TBC1D1: variants seen among roughly 807,000 people sequenced by gnomAD.
The protein encoded by TBC1D1 is TBC1 (tre-2/USP6, BUB2, cdc16) domain family, member 1.
A neutral mutation model predicts 125.6 loss-of-function variants in TBC1D1; 89 were observed. The ratio of observed to expected loss-of-function variants is 0.71; its 90% CI spans 0.60 to 0.85. TBC1D1 has a LOEUF of 0.85. Among genes scored for constraint, TBC1D1 ranks in the 40% least tolerant of loss-of-function variants. The pLI is 0.00. For missense variants in TBC1D1, 1,377 were observed against 1,469.2 expected (o/e 0.94, Z 1.03); for synonymous variants, 565 against 564.1 (o/e 1.00, Z -0.02).
intron 2 of TBC1D1, among the ~76,000 whole-genome samples, chr4:38,013,151 A>G (rs944361490): frequency 3.9e-5 from 6 of 152,188 alleles, no homozygotes; most frequent in African/African-American, 1.4e-4. Flanking sequence ...TTAAAATGTA[A>G]AACTTTCCTA....
At chr4:37,985,277 AATCTT>A (rs1359942102) in intron 2 of TBC1D1, among the ~76,000 whole-genome samples, 1 of 152,160 alleles carries the variant, frequency 6.6e-6, no homozygotes, top group Non-Finnish European at 1.5e-5. Flanking sequence ...TTATGAATCT[AATCTT>A]AAGTATCTGG....
At chr4:38,077,798 G>A (rs929288014) in intron 12 of TBC1D1, among the ~76,000 whole-genome samples, 2 of 152,102 alleles carry the variant, frequency 1.3e-5, no homozygotes, top group Non-Finnish European at 2.9e-5. Context: ...TTTATGTCAA[G>A]TGCTGGCATT....
rs35795968 is a variant in TBC1D1 at position 37,923,678 on chromosome 4, A to AT, written c.417+21185dup. The stretch of plus-strand genomic sequence containing the variant: ...TATTCTCCTGCTGCACCCCCACCCC[A>AT]TTTTTTTTTTTTTTTTTTTGAGACA... On this transcript the variant is annotated intron_variant, in intron 2 of 19. Transcript: ENST00000261439. Among the ~76,000 whole-genome samples the AT allele has an allele frequency of 9.9e-3, 1,153 of 116,136 alleles. 19 individuals carry two copies. The highest frequency in any genetic ancestry group is 0.013 in the African/African-American group (384 of 30,244). 76.2% of individuals were successfully genotyped at this position (116,136 alleles called of 152,430 possible).
intron 1 of TBC1D1, among the ~76,000 whole-genome samples, chr4:37,894,028 AC>A (rs1713985447): frequency 6.8e-6 from 1 of 146,292 alleles, no homozygotes; most frequent in East Asian, 2.0e-4. Flanking sequence ...TTGCTGTGTC[AC>A]CCAGGCTGGA....
At chr4:38,001,323 A>G (rs1164803560) in intron 2 of TBC1D1, among the ~76,000 whole-genome samples, 1 of 152,176 alleles carries the variant, frequency 6.6e-6, no homozygotes, top group African/African-American at 2.4e-5. Flanking sequence ...TAGAGCTTCC[A>G]TGCCTCTTTG....
intron 6 of TBC1D1, among the ~76,000 whole-genome samples, chr4:38,026,689 C>T (rs1218258977): frequency 1.3e-5 from 2 of 152,126 alleles, no homozygotes; most frequent in African/African-American, 2.4e-5. Flanking sequence ...CATTATCAAC[C>T]GTCTCATCAT....
intron 14 of TBC1D1, among the ~76,000 whole-genome samples, chr4:38,096,792 C>T (rs1759422743): frequency 6.6e-6 from 1 of 151,920 alleles, no homozygotes; most frequent in South Asian, 2.1e-4. Flanking sequence ...ATATTTTGTC[C>T]ATCTGTTTTT....
intron 2 of TBC1D1, among the ~76,000 whole-genome samples, chr4:37,955,922 A>G (rs1162788917): frequency 6.6e-6 from 1 of 152,010 alleles, no homozygotes. Flanking sequence ...GGATTGCTTG[A>G]GTCTAGGAGT....
chr4:38,073,042 C>T (rs932346181), intron 12 of TBC1D1, among the ~76,000 whole-genome samples: 1 of 152,148 alleles, frequency 6.6e-6, no homozygotes, highest in African/African-American at 2.4e-5. Context: ...TCTGCTTCCA[C>T]CTTCCACCTT....
At chr4:37,909,364 G>T (rs1718058355) in intron 2 of TBC1D1, among the ~76,000 whole-genome samples, 1 of 152,102 alleles carries the variant, frequency 6.6e-6, no homozygotes, top group Non-Finnish European at 1.5e-5. Flanking sequence ...TTTGAGTGTC[G>T]CTTTGTATCA....
At chr4:37,983,306 G>T (rs980307447) in intron 2 of TBC1D1, among the ~76,000 whole-genome samples, 3 of 151,762 alleles carry the variant, frequency 2.0e-5, no homozygotes, top group Non-Finnish European at 4.4e-5. Context: ...GTAGAGACGG[G>T]GTTTCACCAT....
At chr4:37,954,866 A>ATT (rs11380098) in intron 2 of TBC1D1, among the ~76,000 whole-genome samples, 1,928 of 119,088 alleles carry the variant, frequency 0.016, 52 homozygotes, top group African/African-American at 0.053. Flanking sequence ...TTAGCAGTGG[A>ATT]TTTTTTTTTT....
In TBC1D1 at chr4:38,014,587, G is replaced by C; in HGVS notation, c.496G>C (p.Asp166His). ...GGAGCTGCACTGCCCGTCCGAGTTCGACGACACGTTTTCCAAGAAGTTCGA... is the reference window on the plus strand; with the variant it reads ...GGAGCTGCACTGCCCGTCCGAGTTCCACGACACGTTTTCCAAGAAGTTCGA... The change falls in exon 3 of 20, where the codon GAC becomes CAC. Residue 166 changes from aspartate to histidine, a missense_variant. Around this residue, in one of 3 missense-constraint regions of TBC1D1, gnomAD observed 822 missense variants for 824.6 expected, o/e 1.00. Transcript: ENST00000261439. This position sits in a 1 kb window ranked among gnomAD's most constrained non-coding sequence, Gnocchi z 5.1. 6.2e-7 allele frequency: 1 copy of C among 1,613,396 alleles called. No homozygotes were observed. Among genetic ancestry groups the C allele is most frequent in the Non-Finnish European group, 8.5e-7 (1 of 1,180,034 alleles).
intron 6 of TBC1D1, among the ~76,000 whole-genome samples, chr4:38,026,787 G>T (rs1195198706): frequency 6.6e-6 from 1 of 152,262 alleles, no homozygotes; most frequent in East Asian, 1.9e-4. Context: ...GAAATATCGG[G>T]TTCTAATGGG....
intron 12 of TBC1D1, among the ~76,000 whole-genome samples, chr4:38,072,182 A>C (rs1418951607): frequency 6.6e-6 from 1 of 152,250 alleles, no homozygotes; most frequent in Non-Finnish European, 1.5e-5. Context: ...CCCTCAGAAA[A>C]CTATGTACAC....
At chr4:38,013,806 G>A (rs1742029210) in intron 2 of TBC1D1, among the ~76,000 whole-genome samples, 1 of 152,192 alleles carries the variant, frequency 6.6e-6, no homozygotes, top group African/African-American at 2.4e-5. Context: ...GTCTCCATGT[G>A]AAGAATCCCT....
chr4:37,892,246 C>T (rs1460083725), intron 1 of TBC1D1, among the ~76,000 whole-genome samples: 2 of 152,136 alleles, frequency 1.3e-5, no homozygotes, highest in African/African-American at 4.8e-5. Context: ...TGTACAAGTT[C>T]AAACTTCTAA....
chr4:38,045,262 T>C (rs1749176478), intron 9 of TBC1D1, among the ~76,000 whole-genome samples: 1 of 152,264 alleles, frequency 6.6e-6, no homozygotes, highest in Admixed American at 6.5e-5. Flanking sequence ...ATTATAGTTC[T>C]TTTTGATTTT....
chr4:37,981,850 A>G (rs1734391632), intron 2 of TBC1D1, among the ~76,000 whole-genome samples: 1 of 152,206 alleles, frequency 6.6e-6, no homozygotes, highest in South Asian at 2.1e-4. Context: ...GGATGGAAGC[A>G]GAGGGACCAC....
Sources: gnomAD v4.1 joint callset for allele counts (sites outside exome capture counted in the v4.1 genomes callset) on GRCh38, gnomAD v4.1.1 for gene constraint, gnomAD v4.1.1 regional missense constraint, Gnocchi (gnomAD v3.1) non-coding constraint, MANE v1.5 for transcripts, NCBI Gene and HGNC (gene_info 2026-07-23, HGNC 2026-07-21) for gene names.